The following NTAQ1 variants were observed in gnomAD, a reference collection of about 807,000 sequenced individuals.
NTAQ1 encodes the protein N-terminal glutamine amidase 1, also known as protein N-terminal glutamine amidohydrolase.
NTAQ1 carries 21 observed loss-of-function variants against 28.2 expected under a neutral mutation model. The ratio of observed to expected loss-of-function variants is 0.74; its 90% CI spans 0.53 to 1.07. The LOEUF (loss-of-function observed/expected upper bound fraction) is 1.07. Among genes scored for constraint, NTAQ1 ranks in the 50% least tolerant of loss-of-function variants. The pLI is 0.00. For missense variants in NTAQ1, 264 were observed against 256.6 expected (o/e 1.03, Z -0.20); for synonymous variants, 105 against 90.0 (o/e 1.17, Z -0.94).
At chr8:123,448,779 G>A (rs1302145578), downstream of NTAQ1, among the ~76,000 whole-genome samples, 1 of 152,186 alleles carries the variant, frequency 6.6e-6, no homozygotes, top group Non-Finnish European at 1.5e-5. Context: ...TGAGGTTCAG[G>A]AGCCTTGTGG....
intron 6 of NTAQ1, chr8:123,447,944 C>A (rs1335543226): frequency 6.6e-6 from 1 of 152,190 alleles, no homozygotes; most frequent in Admixed American, 6.6e-5. Flanking sequence ...CCAGTGTGGC[C>A]ATGTGACCAG....
At chr8:123,434,032 C>T (rs1002087137) in intron 3 of NTAQ1, among the ~76,000 whole-genome samples, 4 of 151,658 alleles carry the variant, frequency 2.6e-5, no homozygotes, top group African/African-American at 9.7e-5. Context: ...AAAGATTGGA[C>T]ACCCTGGAGT....
downstream of NTAQ1, among the ~76,000 whole-genome samples, chr8:123,450,588 C>T (rs1434130819): frequency 6.6e-6 from 1 of 152,184 alleles, no homozygotes; most frequent in Non-Finnish European, 1.5e-5. Context: ...GCCACTGTCT[C>T]TGAAGCAGGG....
chr8:123,464,011 G>C (rs368438141), intron 6 of NTAQ1, among the ~76,000 whole-genome samples: 3 of 152,286 alleles, frequency 2.0e-5, no homozygotes, highest in East Asian at 3.9e-4. Context: ...CGCACATGCT[G>C]TCTTGCCTGC....
intron 1 of NTAQ1, among the ~76,000 whole-genome samples, chr8:123,422,282 G>GTTT (rs35588966): frequency 0.35 from 50,778 of 145,230 alleles, 8,859 homozygotes; most frequent in East Asian, 0.55. Flanking sequence ...TTTGTTTTGG[G>GTTT]TTTTTTTTTT....
At chr8:123,437,711 A>C (rs28559674) in intron 5 of NTAQ1, among the ~76,000 whole-genome samples, 30,509 of 81,972 alleles carry the variant, frequency 0.37, 3,450 homozygotes, top group Non-Finnish European at 0.41. Flanking sequence ...TCAAAAAAAA[A>C]AAAAAACAAA....
chr8:123,465,400 A>C (rs1189199635), intron 6 of NTAQ1, among the ~76,000 whole-genome samples: 2 of 152,114 alleles, frequency 1.3e-5, no homozygotes, highest in Non-Finnish European at 2.9e-5. Flanking sequence ...CCGTCACTGC[A>C]GAGAAACTCC....
chr8:123,422,061 G>A (rs144116105), intron 1 of NTAQ1, among the ~76,000 whole-genome samples: 136 of 151,708 alleles, frequency 9.0e-4, no homozygotes, highest in African/African-American at 3.0e-3. Flanking sequence ...AGTGATCCAC[G>A]CGCCTTGGCC....
Position 123,436,599 on chromosome 8 carries a change from G to A in NTAQ1, c.381G>A (p.Arg127=), listed in dbSNP as rs549213448. Reference sequence around the variant, plus strand: ...ATGATGACATTCACCCACAGTTTAGGAGGTGAGGACATTCAAGATGGATTT... The same window carrying A: ...ATGATGACATTCACCCACAGTTTAGAAGGTGAGGACATTCAAGATGGATTT... The part of the protein sequence containing the change: ...KSDDDIHPQF[R]RKFRVIRADS... The change falls in exon 4 of 6, where the codon AGG becomes AGA. Residue 127 remains arginine (R), a splice_region_variant and synonymous_variant. Transcript: ENST00000287387. 2 of 1,613,070 alleles carry A rather than the reference G, an allele frequency of 1.2e-6. No homozygotes were observed. Among genetic ancestry groups the A allele is most frequent in the Non-Finnish European group, 1.7e-6 (2 of 1,179,684 alleles).
At chr8:123,429,947 A>C (rs13278992) in intron 2 of NTAQ1, 36 bp from the exon 3 acceptor site, 1 of 1,498,194 alleles carries the variant, frequency 6.7e-7, no homozygotes, top group Non-Finnish European at 9.1e-7. Context: ...TGGTTTAACT[A>C]AAGGTATGGC....
At chr8:123,424,454 G>C (rs914294564) in intron 1 of NTAQ1, among the ~76,000 whole-genome samples, 3 of 152,130 alleles carry the variant, frequency 2.0e-5, no homozygotes, top group Admixed American at 1.3e-4. Context: ...ATGTTGGCCA[G>C]GCTGGTCTTG....
intron 3 of NTAQ1, chr8:123,435,504 T>G: frequency 1.0e-6 from 1 of 985,490 alleles, no homozygotes; most frequent in Non-Finnish European, 1.2e-6. Flanking sequence ...CGTTTTCCTC[T>G]GCATTCACAT....
At chr8:123,449,913 G>GTGTT (rs1815426588), downstream of NTAQ1, among the ~76,000 whole-genome samples, 2 of 88,236 alleles carry the variant, frequency 2.3e-5, no homozygotes, top group South Asian at 1.0e-3. Context: ...ATGTATATAT[G>GTGTT]TGTGTGTATA....
chr8:123,452,889 C>T (rs1309709995), downstream of NTAQ1, among the ~76,000 whole-genome samples: 1 of 152,054 alleles, frequency 6.6e-6, no homozygotes, highest in Non-Finnish European at 1.5e-5. Flanking sequence ...GAAACTCCCT[C>T]TCAAAAAAAA....
exon 7 of NTAQ1, chr8:123,467,173 A>G (rs191611097): frequency 5.3e-4 from 80 of 151,800 alleles, no homozygotes; most frequent in African/African-American, 1.7e-3. Context: ...CTCAGCTGGA[A>G]CTACAGGCAT....
At chr8:123,417,051 C>G in intron 1 of NTAQ1, 119 bp downstream of exon 1, 1 of 1,057,908 alleles carries the variant, frequency 9.5e-7, no homozygotes, top group Non-Finnish European at 1.3e-6. Context: ...CCGGCGGGTT[C>G]TACAGTTTTG....
At chr8:123,448,804 G>C (rs1156329825), downstream of NTAQ1, among the ~76,000 whole-genome samples, 3 of 152,276 alleles carry the variant, frequency 2.0e-5, no homozygotes, top group Admixed American at 2.0e-4. Flanking sequence ...GAAGCCAAAT[G>C]GTCTGTGTTC....
At chr8:123,448,015 C>G (rs972425037) in intron 6 of NTAQ1, 7 of 152,200 alleles carry the variant, frequency 4.6e-5, no homozygotes, top group Admixed American at 6.5e-5. Flanking sequence ...CTCGTGCCCA[C>G]TCCTTCACAC....
chr8:123,430,429 G>A (rs773452857), intron 3 of NTAQ1, among the ~76,000 whole-genome samples: 5 of 152,170 alleles, frequency 3.3e-5, no homozygotes, highest in Admixed American at 1.3e-4. Flanking sequence ...ATCACTTGAG[G>A]CCAGGAGTTC....
Sources: gnomAD v4.1 joint callset for allele counts (sites outside exome capture counted in the v4.1 genomes callset) on GRCh38, gnomAD v4.1.1 for gene constraint, MANE v1.5 for transcripts, NCBI Gene and HGNC (gene_info 2026-07-23, HGNC 2026-07-21) for gene names.